Variants in FBXL19 observed in about 807,000 individuals in gnomAD.
FBXL19 encodes the protein F-box and leucine rich repeat protein 19, also known as F-box/LRR-repeat protein 19.
Under a neutral mutation model 71.2 loss-of-function variants are expected in FBXL19, and 16 were observed. That is an observed-to-expected ratio of 0.22 (90% CI 0.15 to 0.34). The LOEUF is 0.34. FBXL19 is among the 10% of genes least tolerant of loss of function. The probability of loss-of-function intolerance (pLI) is 1.00; values close to 1 mark genes in which losing one functional copy is unlikely to be tolerated. For synonymous variants in FBXL19, 447 were observed against 409.4 expected, an observed-to-expected ratio of 1.09 and a Z score of -1.11; for missense variants, 658 against 968.2, an observed-to-expected ratio of 0.68 and a Z score of 4.25.
chr16:30,942,363 C>G lies in FBXL19; in HGVS notation c.1466-12C>G. On this transcript the variant is annotated splice_polypyrimidine_tract_variant and intron_variant, in intron 8 of 10. Transcript: ENST00000338343. This position sits in a 1 kb window ranked among gnomAD's most constrained non-coding sequence, Gnocchi z 5.7. Reference sequence around the variant, plus strand: ...TCACAGCACCTGCTTCCTGACTGCCCCCTCTCCGCAGGCCTGCAGGAGCTG... The same window carrying G: ...TCACAGCACCTGCTTCCTGACTGCCGCCTCTCCGCAGGCCTGCAGGAGCTG... 6.2e-7 allele frequency: 1 copy of G among 1,607,602 alleles called. No homozygotes were observed. The highest frequency in any genetic ancestry group is 1.3e-5 in the African/African-American group (1 of 74,948).
chr16:30,940,081 A>T (rs1327655172), intron 7 of FBXL19, among the ~76,000 whole-genome samples: 3 of 151,972 alleles, frequency 2.0e-5, no homozygotes, highest in East Asian at 1.9e-4. Context: ...ACATGGAGAA[A>T]CCCTATCTCT....
chr16:30,923,020 T>C (rs922697802), upstream of FBXL19: 4 of 456,874 alleles, frequency 8.8e-6, no homozygotes, highest in East Asian at 1.4e-4. Context: ...CCTCGTAAGA[T>C]CGACTACTAG....
rs2055895308 is a variant in FBXL19 at position 30,948,593 on chromosome 16, GGGAGGGCTGGGCGGACCAAAGGCC to G, written c.*1370_*1393del. ...GGTAACAGGGAGGTGCGCGGGTGGG[GGGAGGGCTGGGCGGACCAAAGGCC>G]GGAGGGGTGGGGCCTGGGGATAGCG... On this transcript the variant is annotated 3_prime_UTR_variant, in exon 11 of 11. Transcript: ENST00000338343. 1.3e-5 allele frequency: 2 copies of G among 151,878 alleles called. No homozygotes were observed. The allele number at this position is 151,878 out of a possible 1,614,324, so 9.4% of individuals were successfully genotyped here. A position where few individuals can be genotyped will look rare whatever the true frequency, so the allele number is the denominator to read the frequency against.
intron 7 of FBXL19, among the ~76,000 whole-genome samples, chr16:30,934,751 T>A (rs566397659): frequency 6.6e-6 from 1 of 152,076 alleles, no homozygotes; most frequent in Admixed American, 6.6e-5. Flanking sequence ...GGAGCCTGGA[T>A]GGGCAACAGC....
intron 3 of FBXL19, 36 bp downstream of exon 3, chr16:30,927,487 C>T (rs2055605820): frequency 1.3e-6 from 2 of 1,573,236 alleles, no homozygotes; most frequent in Non-Finnish European, 1.7e-6. Flanking sequence ...TGGGGTGGGG[C>T]AGATTGTCAG....
At chr16:30,927,723 C>G (rs1432998211) in intron 4 of FBXL19, 22 bp from the exon 5 acceptor site, 2 of 1,555,918 alleles carry the variant, frequency 1.3e-6, no homozygotes, top group Admixed American at 1.9e-5. Context: ...AGGTCCTCAC[C>G]CCCAGCTTCT....
upstream of FBXL19, chr16:30,923,212 G>T (rs1337353622): frequency 4.4e-6 from 2 of 456,458 alleles, no homozygotes; most frequent in Non-Finnish European, 8.8e-6. Context: ...GAAGGAGGTC[G>T]GGTCGGGGGA....
intron 7 of FBXL19, among the ~76,000 whole-genome samples, chr16:30,938,341 C>A (rs1055024515): frequency 6.6e-6 from 1 of 151,926 alleles, no homozygotes; most frequent in African/African-American, 2.4e-5. Flanking sequence ...ATAGTGAGAC[C>A]CCCATCTCTA....
At position 30,925,643 on chromosome 16, in the gene FBXL19, A is replaced by G; in HGVS notation, c.-24-88A>G. The G allele has an allele frequency of 4.5e-6, 6 of 1,334,192 alleles. No individual in the cohort carries two copies. Among genetic ancestry groups the G allele is most frequent in the Non-Finnish European group, 5.8e-6 (6 of 1,037,076 alleles). The allele number at this position is 1,334,192 out of a possible 1,614,324, so 82.6% of individuals were successfully genotyped here. On this transcript the variant is annotated intron_variant, in intron 1 of 10. Coordinates refer to ENST00000338343, the MANE Select transcript of FBXL19 (RefSeq NM_001382779.1). This position sits in a 1 kb window ranked among gnomAD's most constrained non-coding sequence, Gnocchi z 5.0. ...CCCCCTGAGGAAGAGGGCAGGCTCT[A>G]GCTGCCTGTAGGTGGAGGGACCTGT... is the stretch of plus-strand genomic sequence containing the variant.
At chr16:30,923,520 G>A (rs2055549400), upstream of FBXL19, among the ~76,000 whole-genome samples, 3 of 146,892 alleles carry the variant, frequency 2.0e-5, no homozygotes, top group Non-Finnish European at 4.5e-5. Flanking sequence ...GGAGTAAAGA[G>A]GGGGAGGAGG....
intron 7 of FBXL19, among the ~76,000 whole-genome samples, chr16:30,934,159 C>T (rs964784959): frequency 5.3e-5 from 8 of 152,040 alleles, no homozygotes; most frequent in African/African-American, 1.4e-4. Flanking sequence ...GTCAGGAGTT[C>T]GAGACCAGCC....
chr16:30,934,878 G>T (rs2055714522), intron 7 of FBXL19, among the ~76,000 whole-genome samples: 3 of 152,182 alleles, frequency 2.0e-5, no homozygotes, highest in Admixed American at 2.0e-4. Flanking sequence ...ATACACGTTT[G>T]GGAGTTCTCA....
intron 7 of FBXL19, among the ~76,000 whole-genome samples, chr16:30,937,197 C>T (rs1018517539): frequency 8.5e-5 from 13 of 152,136 alleles, no homozygotes; most frequent in Non-Finnish European, 1.3e-4. Context: ...CTGTGATCAG[C>T]GTGACTCTGG....
Position 30,927,673 on chromosome 16 carries a change from T to A in FBXL19, c.408+14T>A, listed in dbSNP as rs749093651. The A allele has an allele frequency of 1.9e-6, 3 of 1,562,470 alleles. No homozygotes were observed. The highest frequency in any genetic ancestry group is 2.6e-6 in the Non-Finnish European group (3 of 1,153,678). ...CGCACCAGCAAGGTAGGGGCTGGGC[T>A]GGGCTGAGCTGTGGGTAGGTGGGTG... On this transcript the variant is annotated intron_variant, in intron 4 of 10. Transcript: ENST00000338343.
intron 7 of FBXL19, among the ~76,000 whole-genome samples, chr16:30,936,041 C>A (rs1768991605): frequency 1.3e-5 from 2 of 152,190 alleles, no homozygotes; most frequent in African/African-American, 4.8e-5. Context: ...CCGACTGCAC[C>A]AACCACTTCC....
intron 7 of FBXL19, among the ~76,000 whole-genome samples, chr16:30,932,950 C>T (rs2055691780): frequency 6.6e-6 from 1 of 150,474 alleles, no homozygotes. Flanking sequence ...AAGTGATTCT[C>T]CTGTCTCAGC....
intron 7 of FBXL19, among the ~76,000 whole-genome samples, chr16:30,938,977 C>T (rs1354320558): frequency 6.6e-6 from 1 of 152,020 alleles, no homozygotes; most frequent in Non-Finnish European, 1.5e-5. Context: ...ATACTTATCT[C>T]CCTGTTTAAC....
intron 7 of FBXL19, among the ~76,000 whole-genome samples, chr16:30,936,190 C>T (rs2055730432): frequency 6.6e-6 from 1 of 152,188 alleles, no homozygotes; most frequent in Admixed American, 6.5e-5. Flanking sequence ...GGTGGCAGAG[C>T]TGGGATTTAG....
In FBXL19 at chr16:30,948,329, A is replaced by C. The variant is rs2055888707; in HGVS notation, c.*1099A>C. 2 of 152,768 alleles carry C rather than the reference A, an allele frequency of 1.3e-5. No individual in the cohort carries two copies. The highest frequency in any genetic ancestry group is 4.8e-5 in the African/African-American group (2 of 41,448). 9.5% of individuals were successfully genotyped at this position (152,768 alleles called of 1,614,324 possible). ...AACTGCCACTCCTGGTTGCCATGGA[A>C]ATAGCAGCCAACGGACACCTCCCGA... On this transcript the variant is annotated 3_prime_UTR_variant, in exon 11 of 11. Coordinates refer to ENST00000338343, the MANE Select transcript of FBXL19 (RefSeq NM_001382779.1).
Sources: allele counts gnomAD v4.1 joint callset (sites outside exome capture counted in the v4.1 genomes callset), GRCh38; gene constraint gnomAD v4.1.1; non-coding constraint Gnocchi (gnomAD v3.1); transcripts MANE v1.5; gene names NCBI Gene and HGNC (gene_info 2026-07-23, HGNC 2026-07-21).